The following SDK1 variants were observed in gnomAD, a reference collection of about 807,000 sequenced individuals.
SDK1 encodes the protein protein sidekick-1.
Under a neutral mutation model 245.5 loss-of-function variants are expected in SDK1, and 157 were observed. The observed-to-expected ratio is 0.64, with a 90% CI of 0.56 to 0.73. SDK1 has a LOEUF of 0.73. Among genes scored for constraint, SDK1 ranks in the 30% least tolerant of loss-of-function variants. SDK1 has a pLI of 0.00. For synonymous variants in SDK1, 1,647 were observed against 1,278.5 expected (o/e 1.29, Z -6.15); for missense variants, 3,583 against 3,002.3 (o/e 1.19, Z -4.52).
At chr7:3,422,754 G>C (rs1307532130) in intron 1 of SDK1, among the ~76,000 whole-genome samples, 1 of 152,188 alleles carries the variant, frequency 6.6e-6, no homozygotes, top group African/African-American at 2.4e-5. Context: ...TGGGGGAAAA[G>C]CAGGAGTACT....
At chr7:3,623,245 CTTTTTTTTTTTTT>C (rs1183056855) in intron 2 of SDK1, among the ~76,000 whole-genome samples, 2 of 117,964 alleles carry the variant, frequency 1.7e-5, no homozygotes, top group Admixed American at 1.9e-4. Flanking sequence ...TGTTGTATTT[CTTTTTTTTTTTTT>C]TTTTTTTGAT....
intron 4 of SDK1, among the ~76,000 whole-genome samples, chr7:3,802,685 A>G (rs1400491533): frequency 6.6e-6 from 1 of 152,142 alleles, no homozygotes; most frequent in Non-Finnish European, 1.5e-5. Flanking sequence ...CATCTTGAGA[A>G]TGTTATGTAA....
At chr7:4,220,515 G>GCTTT (rs574862894) in intron 39 of SDK1, among the ~76,000 whole-genome samples, 1 of 140,538 alleles carries the variant, frequency 7.1e-6, no homozygotes, top group African/African-American at 2.6e-5. Context: ...AGTTTTAGTT[G>GCTTT]TTTTTTTTTT....
intron 1 of SDK1, among the ~76,000 whole-genome samples, chr7:3,603,495 G>A (rs918271655): frequency 1.3e-5 from 2 of 151,548 alleles, no homozygotes; most frequent in Non-Finnish European, 2.9e-5. Flanking sequence ...TCTGTTATTG[G>A]TGTATAAGAA....
chr7:3,814,503 T>C (rs1452122404), intron 4 of SDK1, among the ~76,000 whole-genome samples: 7 of 151,952 alleles, frequency 4.6e-5, no homozygotes, highest in Non-Finnish European at 7.3e-5. Flanking sequence ...CCATGCTGTT[T>C]TGGTTACTGT....
At chr7:4,166,717 G>A (rs568991316) in intron 32 of SDK1, among the ~76,000 whole-genome samples, 7 of 152,296 alleles carry the variant, frequency 4.6e-5, no homozygotes, top group African/African-American at 7.2e-5. Context: ...CACGGTGGCC[G>A]GATCAGATTT....
chr7:4,243,226 C>G (rs1315531261), intron 43 of SDK1, among the ~76,000 whole-genome samples: 1 of 152,202 alleles, frequency 6.6e-6, no homozygotes, highest in Non-Finnish European at 1.5e-5. Flanking sequence ...CAAGAATAGA[C>G]AGTCGTTCAG....
intron 17 of SDK1, among the ~76,000 whole-genome samples, chr7:4,029,470 G>A (rs115484876): frequency 1.3e-5 from 2 of 152,132 alleles, no homozygotes; most frequent in East Asian, 1.9e-4. Flanking sequence ...CTGGGCCTCC[G>A]AAAGTGCTGA....
intron 20 of SDK1, among the ~76,000 whole-genome samples, chr7:4,076,139 T>C (rs193062771): frequency 6.6e-6 from 1 of 152,346 alleles, no homozygotes; most frequent in East Asian, 1.9e-4. Flanking sequence ...ACTTTTCCAG[T>C]GCATTGCAAA....
intron 42 of SDK1, among the ~76,000 whole-genome samples, chr7:4,238,568 T>C (rs974702061): frequency 2.6e-5 from 4 of 151,316 alleles, no homozygotes; most frequent in Non-Finnish European, 4.4e-5. Flanking sequence ...GTCTCTTTTT[T>C]TTTTTTAATT....
intron 1 of SDK1, among the ~76,000 whole-genome samples, chr7:3,346,758 T>C (rs1360984398): frequency 7.2e-6 from 1 of 139,732 alleles, no homozygotes; most frequent in Admixed American, 7.3e-5. Flanking sequence ...TATGTGTGTG[T>C]GTATATATGT....
chr7:3,524,060 C>T (rs1022197345), intron 1 of SDK1, among the ~76,000 whole-genome samples: 2 of 152,134 alleles, frequency 1.3e-5, no homozygotes, highest in African/African-American at 2.4e-5. Context: ...AACATTGGTT[C>T]GTTCAACAAA....
At chr7:3,865,609 A>C (rs1044844286) in intron 5 of SDK1, among the ~76,000 whole-genome samples, 1 of 152,020 alleles carries the variant, frequency 6.6e-6, no homozygotes, top group Non-Finnish European at 1.5e-5. Context: ...CCTGGGCTCA[A>C]GTGATCCTCC....
intron 5 of SDK1, among the ~76,000 whole-genome samples, chr7:3,822,719 G>T (rs1417533427): frequency 1.3e-5 from 2 of 150,866 alleles, no homozygotes; most frequent in African/African-American, 4.9e-5. Context: ...AGTGAGCTGA[G>T]ATCATGCCAT....
chr7:3,830,177 G>C (rs1779879473), intron 5 of SDK1, among the ~76,000 whole-genome samples: 1 of 152,126 alleles, frequency 6.6e-6, no homozygotes, highest in South Asian at 2.1e-4. Flanking sequence ...CAGGGAGTAA[G>C]GCAAGCACTT....
At chr7:4,117,980 T>G (rs1055256803) in intron 25 of SDK1, among the ~76,000 whole-genome samples, 2 of 152,168 alleles carry the variant, frequency 1.3e-5, no homozygotes, top group African/African-American at 4.8e-5. Context: ...GACTGGGTTT[T>G]GAATTTGCAT....
intron 14 of SDK1, among the ~76,000 whole-genome samples, chr7:3,997,764 C>T (rs1004874245): frequency 1.3e-5 from 2 of 152,170 alleles, no homozygotes; most frequent in Non-Finnish European, 2.9e-5. Context: ...GGCAGCCCTG[C>T]CCCCAGCCTC....
chr7:3,796,589 A>T lies in SDK1; in HGVS notation c.714-24861A>T, dbSNP rs60368685. ...CACTTTCAGTACATAGCCAGGCGCA[A>T]CCACTTCTTACCATCTCCCTCGTGA... On this transcript the variant is annotated intron_variant, in intron 4 of 44. Transcript: ENST00000404826. Among the ~76,000 whole-genome samples, 206 of 152,202 alleles carry T rather than the reference A, an allele frequency of 1.4e-3. 1 individual carries two copies. The highest frequency in any genetic ancestry group is 4.7e-3 in the African/African-American group (197 of 41,488).
chr7:3,643,842 C>T (rs1302485365), intron 4 of SDK1: 2 of 150,862 alleles, frequency 1.3e-5, no homozygotes, highest in African/African-American at 2.4e-5. Flanking sequence ...GGACCAGGAT[C>T]TGGCTGGAAC....
Sources: gnomAD v4.1 joint callset for allele counts (sites outside exome capture counted in the v4.1 genomes callset) on GRCh38, gnomAD v4.1.1 for gene constraint, MANE v1.5 for transcripts, NCBI Gene and HGNC (gene_info 2026-07-23, HGNC 2026-07-21) for gene names.